RAD51B: variants seen among roughly 807,000 people sequenced by gnomAD.
RAD51B encodes RAD51 paralog B, also known as DNA repair protein RAD51 homolog 2.
Under a neutral mutation model 42.2 loss-of-function variants are expected in RAD51B, and 38 were observed. The observed-to-expected ratio is 0.90, with a 90% confidence interval of 0.70 to 1.18. The LOEUF (loss-of-function observed/expected upper bound fraction) is 1.18, where lower values mean the gene tolerates loss of function less well. RAD51B is among the 50% of genes most tolerant of loss of function. The pLI is 0.00. For missense variants in RAD51B, 373 were observed against 400.7 expected (o/e 0.93, Z 0.59); for synonymous variants, 154 against 145.2 (o/e 1.06, Z -0.43).
chr14:67,909,021 A>C (rs2043875878), intron 7 of RAD51B, among the ~76,000 whole-genome samples: 1 of 152,226 alleles, frequency 6.6e-6, no homozygotes, highest in Non-Finnish European at 1.5e-5. Context: ...GGATGTCATC[A>C]TTGCTCATAT....
Position 68,468,171 on chromosome 14 carries a change from G to C in RAD51B, c.958-1G>C, listed in dbSNP as rs2086032547. The C allele has an allele frequency of 1.2e-6, 2 of 1,613,592 alleles. No individual in the cohort carries two copies. The highest frequency in any genetic ancestry group is 1.7e-6 in the Non-Finnish European group (2 of 1,179,568). Reference sequence around the variant, plus strand: ...CCTAGAAAAATGTGCTTTATGTGCAGATTCTTATTGCCAAGTCCCCTCTGG... The same window carrying C: ...CCTAGAAAAATGTGCTTTATGTGCACATTCTTATTGCCAAGTCCCCTCTGG... On this transcript the variant is annotated splice_acceptor_variant, in intron 9 of 10. Transcript: ENST00000471583. LOFTEE classifies it high-confidence loss of function.
chr14:68,149,040 T>C (rs1200165360), intron 7 of RAD51B, among the ~76,000 whole-genome samples: 2 of 152,236 alleles, frequency 1.3e-5, no homozygotes, highest in African/African-American at 4.8e-5. Flanking sequence ...TCAGATCTTT[T>C]ACTCATTTTT....
intron 3 of RAD51B, among the ~76,000 whole-genome samples, chr14:67,827,797 T>G (rs377177805): frequency 5.0e-4 from 76 of 152,354 alleles, no homozygotes; most frequent in Admixed American, 5.0e-3. Flanking sequence ...ACTCCATCCA[T>G]GCCCCTGCAA....
At position 68,253,735 on chromosome 14, in the gene RAD51B, G is replaced by A. The variant is rs2080691521; in HGVS notation, c.757-38149G>A. Among the ~76,000 whole-genome samples, 3 of 152,100 alleles carry A rather than the reference G, an allele frequency of 2.0e-5. No homozygotes were observed. In the South Asian group the frequency reaches 6.2e-4, roughly 32 times the overall value. Reference sequence around the variant, plus strand: ...ATGCTTTACAGTAACCCCCCTGTGGGGTAGGTAATGTTATCTCCGTTTCAC... The same window carrying A: ...ATGCTTTACAGTAACCCCCCTGTGGAGTAGGTAATGTTATCTCCGTTTCAC... On this transcript the variant is annotated intron_variant, in intron 7 of 10. Transcript: ENST00000471583.
At chr14:67,880,408 A>G (rs28847917) in intron 5 of RAD51B, among the ~76,000 whole-genome samples, 7,846 of 152,246 alleles carry the variant, frequency 0.052, 469 homozygotes, top group African/African-American at 0.15. Flanking sequence ...TGAGAACCCA[A>G]TTGTACAGAT....
chr14:68,106,383 C>A (rs1248799074), intron 7 of RAD51B, among the ~76,000 whole-genome samples: 1 of 151,888 alleles, frequency 6.6e-6, no homozygotes, highest in Non-Finnish European at 1.5e-5. Context: ...GTTAATATAT[C>A]ATTATAATCA....
intron 7 of RAD51B, among the ~76,000 whole-genome samples, chr14:68,086,489 C>T (rs915460139): frequency 8.5e-5 from 13 of 152,164 alleles, no homozygotes; most frequent in Non-Finnish European, 1.6e-4. Context: ...GGCCTGTGGG[C>T]CCAGGTCTGG....
chr14:68,335,190 C>T (rs988217832), intron 8 of RAD51B, among the ~76,000 whole-genome samples: 7 of 148,842 alleles, frequency 4.7e-5, no homozygotes, highest in South Asian at 4.2e-4. Context: ...CCAGCTACTC[C>T]GGAAGCTGAA....
chr14:68,061,053 C>CTTTTTTTTTG (rs2076559088), intron 7 of RAD51B, among the ~76,000 whole-genome samples: 1 of 101,290 alleles, frequency 9.9e-6, no homozygotes, highest in Non-Finnish European at 1.9e-5. Flanking sequence ...TATTTGAGGT[C>CTTTTTTTTTG]TTTTTTTTTT....
At chr14:68,538,375 T>C (rs1193539490) in intron 10 of RAD51B, among the ~76,000 whole-genome samples, 2 of 152,164 alleles carry the variant, frequency 1.3e-5, no homozygotes, top group Non-Finnish European at 2.9e-5. Flanking sequence ...TCTGCTGCCC[T>C]GTATCTGTGT....
intron 7 of RAD51B, among the ~76,000 whole-genome samples, chr14:68,024,136 CA>C (rs2075913646): frequency 6.6e-6 from 1 of 152,028 alleles, no homozygotes; most frequent in Non-Finnish European, 1.5e-5. Context: ...TCAGTCTTGT[CA>C]AAGATCAGAT....
chr14:68,084,066 G>A (rs973148615), intron 7 of RAD51B, among the ~76,000 whole-genome samples: 2 of 151,998 alleles, frequency 1.3e-5, no homozygotes, highest in African/African-American at 2.4e-5. Context: ...ATTTTTGTTG[G>A]GAGTGAGCAG....
chr14:68,124,988 T>C (rs1236522477), intron 7 of RAD51B: 1 of 151,942 alleles, frequency 6.6e-6, no homozygotes, highest in Non-Finnish European at 1.5e-5. Context: ...CAAGCTCTCA[T>C]GAGAAACAGG....
rs75085013 is a variant in RAD51B, at chr14:67,858,383, C to T, written c.316-6620C>T. On this transcript the variant is annotated intron_variant, in intron 4 of 10. Transcript: ENST00000471583. ...GGGGACAGGAAGGGCAGGTCATCTT[C>T]CCTAAAGTTGGGTCATCTCTTCCCC... is the stretch of plus-strand genomic sequence containing the variant. Among the ~76,000 whole-genome samples the T allele has an allele frequency of 5.7e-3, 872 of 152,254 alleles. 4 individuals carry two copies. The highest frequency in any genetic ancestry group is 0.013 in the South Asian group (64 of 4,822).
intron 9 of RAD51B, among the ~76,000 whole-genome samples, chr14:68,411,808 T>C (rs946065449): frequency 6.6e-6 from 1 of 152,216 alleles, no homozygotes; most frequent in African/African-American, 2.4e-5. Flanking sequence ...GGGTATCCAA[T>C]TCTCTATCTC....
chr14:68,502,366 G>T (rs1388459252), intron 10 of RAD51B, among the ~76,000 whole-genome samples: 1 of 152,154 alleles, frequency 6.6e-6, no homozygotes, highest in Non-Finnish European at 1.5e-5. Context: ...CAGAAGGGAG[G>T]GGGGCGCACA....
intron 7 of RAD51B, among the ~76,000 whole-genome samples, chr14:68,217,219 G>T (rs981307321): frequency 6.6e-6 from 1 of 152,124 alleles, no homozygotes; most frequent in African/African-American, 2.4e-5. Flanking sequence ...GGTGGGCTAG[G>T]TGTCCTCTTT....
chr14:67,889,628 T>C (rs2043161232), intron 7 of RAD51B, among the ~76,000 whole-genome samples: 1 of 151,438 alleles, frequency 6.6e-6, no homozygotes, highest in Admixed American at 6.6e-5. Flanking sequence ...CCTCGTCTTT[T>C]GGGAAGGGTG....
chr14:68,591,621 G>A (rs1890744647), intron 10 of RAD51B, among the ~76,000 whole-genome samples: 1 of 152,174 alleles, frequency 6.6e-6, no homozygotes, highest in South Asian at 2.1e-4. Context: ...GGCCCCCTGT[G>A]TGTGTGTGGC....
Sources: gnomAD v4.1 joint callset for allele counts (sites outside exome capture counted in the v4.1 genomes callset) on GRCh38, gnomAD v4.1.1 for gene constraint, MANE v1.5 for transcripts, NCBI Gene and HGNC (gene_info 2026-07-23, HGNC 2026-07-21) for gene names.